PCSK5: variants seen among roughly 807,000 people sequenced by gnomAD.
The protein encoded by PCSK5 is prohormone convertase 5.
PCSK5 carries 129 observed loss-of-function variants against 233.2 expected under a neutral mutation model. That is an observed-to-expected ratio of 0.55 (90% CI 0.48 to 0.64). The LOEUF (loss-of-function observed/expected upper bound fraction) is 0.64. Ranked by LOEUF, PCSK5 falls within the 30% of genes least tolerant of loss-of-function variation. The pLI is 0.00. For missense variants in PCSK5, 2,076 were observed against 2,430.1 expected (o/e 0.85, Z 3.06); for synonymous variants, 825 against 879.2 (o/e 0.94, Z 1.09).
chr9:75,943,845 T>G lies in PCSK5; in HGVS notation c.297+11362T>G, dbSNP rs190667275. On this transcript the variant is annotated intron_variant, in intron 2 of 37. Transcript: ENST00000674117. The stretch of plus-strand genomic sequence containing the variant: ...TAAAATAATGTCATAAATTTATACA[T>G]TCAGGTAAGAAATGATCCCCAAAAT... Among the ~76,000 whole-genome samples the G allele has an allele frequency of 2.0e-5, 3 of 152,240 alleles. No individual in the cohort carries two copies. The East Asian group carries it at 5.8e-4, about 29-fold the overall frequency.
At chr9:76,069,979 T>G (rs1233264582) in intron 6 of PCSK5, among the ~76,000 whole-genome samples, 1 of 151,198 alleles carries the variant, frequency 6.6e-6, no homozygotes. Context: ...TGGACAAACT[T>G]TCCAATTTCC....
intron 2 of PCSK5, among the ~76,000 whole-genome samples, chr9:75,937,027 G>T (rs1824085292): frequency 6.6e-6 from 1 of 152,064 alleles, no homozygotes; most frequent in Non-Finnish European, 1.5e-5. Context: ...CATTGTCAGT[G>T]ATCAGTAATA....
chr9:75,910,285 C>G (rs1306438986), intron 1 of PCSK5, among the ~76,000 whole-genome samples: 1 of 152,024 alleles, frequency 6.6e-6, no homozygotes, highest in African/African-American at 2.4e-5. Context: ...ATAGGAAGAC[C>G]CTAGTGAACT....
intron 23 of PCSK5, among the ~76,000 whole-genome samples, chr9:76,240,193 A>T (rs765022157): frequency 3.3e-5 from 5 of 152,214 alleles, no homozygotes; most frequent in African/African-American, 4.8e-5. Context: ...AAGACACTCA[A>T]TTCTGTTTCT....
chr9:76,328,094 C>G lies in PCSK5; in HGVS notation c.4425C>G (p.Ser1475Arg), dbSNP rs768877176. 4 of 1,612,654 alleles carry G rather than the reference C, an allele frequency of 2.5e-6. No homozygotes were observed. The East Asian group carries it at 6.7e-5, about 27-fold the overall frequency. Reference sequence around the variant, plus strand: ...GCCTGATCATGAACCCTCGTGGGAGCTGCATGGCCAACGAGAAGTGCTCAC... The same window carrying G: ...GCCTGATCATGAACCCTCGTGGGAGGTGCATGGCCAACGAGAAGTGCTCAC... ...QKGLIMNPRG[S>R]CMANEKCSPS... is the part of the protein sequence containing the mutation. The change falls in exon 33 of 38, where the codon AGC becomes AGG. Residue 1475 changes from serine (S) to arginine (R), a missense_variant. Physicochemically the swap from Ser to Arg is moderately radical, Grantham distance 110. This residue lies in a region of PCSK5 where 1,510 missense variants were observed against 1,538.1 expected (regional missense o/e 0.98). Coordinates refer to ENST00000674117, the MANE Select transcript of PCSK5 (RefSeq NM_001372043.1).
chr9:75,949,553 CG>C (rs1208721735), intron 2 of PCSK5, among the ~76,000 whole-genome samples: 1 of 151,684 alleles, frequency 6.6e-6, no homozygotes, highest in East Asian at 1.9e-4. Context: ...TTTTTTGAGA[CG>C]GAGTCTCACT....
chr9:76,256,625 C>T (rs1826990759), intron 24 of PCSK5, among the ~76,000 whole-genome samples: 1 of 152,180 alleles, frequency 6.6e-6, no homozygotes. Flanking sequence ...CAAATTACTT[C>T]CTTTTAGTGA....
chr9:76,083,293 T>C (rs1387491601), intron 7 of PCSK5, among the ~76,000 whole-genome samples: 1 of 152,164 alleles, frequency 6.6e-6, no homozygotes, highest in East Asian at 1.9e-4. Context: ...TTAGTCTTTT[T>C]TTCTGGAGAA....
At chr9:75,897,290 G>A (rs1825845692) in intron 1 of PCSK5, among the ~76,000 whole-genome samples, 1 of 152,048 alleles carries the variant, frequency 6.6e-6, no homozygotes, top group Non-Finnish European at 1.5e-5. Context: ...GGGGCTGAAA[G>A]GAAGAGGAAT....
intron 2 of PCSK5, among the ~76,000 whole-genome samples, chr9:75,945,278 C>A (rs972496838): frequency 2.6e-5 from 4 of 151,780 alleles, no homozygotes; most frequent in Non-Finnish European, 4.4e-5. Context: ...CTTTTCTTTC[C>A]CAGGGAATGG....
chr9:76,358,450 T>A, intron 37 of PCSK5, 63 bp from the exon 38 acceptor site: 4 of 1,302,502 alleles, frequency 3.1e-6, no homozygotes, highest in South Asian at 2.8e-5. Flanking sequence ...AAACTAATTT[T>A]CTCTATTCTA....
chr9:76,130,005 A>G lies in PCSK5; in HGVS notation c.1209-4104A>G, dbSNP rs183610173. Reference sequence around the variant, plus strand: ...GTCACGTAGCCTGGCTGCGAACCACATCCAAGTGTGGCCATGGCAGGGGAG... The same window carrying G: ...GTCACGTAGCCTGGCTGCGAACCACGTCCAAGTGTGGCCATGGCAGGGGAG... On this transcript the variant is annotated intron_variant, in intron 9 of 37. Transcript: ENST00000674117. Among the ~76,000 whole-genome samples, 312 of 152,280 alleles carry G rather than the reference A, an allele frequency of 2.0e-3. 1 individual carries two copies. Among genetic ancestry groups the G allele is most frequent in the African/African-American group, 7.1e-3 (294 of 41,556 alleles).
chr9:76,315,072 C>A (rs925992604), intron 30 of PCSK5, among the ~76,000 whole-genome samples: 4 of 152,132 alleles, frequency 2.6e-5, no homozygotes, highest in Admixed American at 2.6e-4. Flanking sequence ...CCTGCCTCAG[C>A]CTCCCAAGTA....
At chr9:76,153,682 C>A (rs1339941277) in intron 10 of PCSK5, among the ~76,000 whole-genome samples, 1 of 152,160 alleles carries the variant, frequency 6.6e-6, no homozygotes, top group Admixed American at 6.5e-5. Flanking sequence ...AAATTTCAAA[C>A]GTTAAGGGTG....
intron 24 of PCSK5, among the ~76,000 whole-genome samples, chr9:76,262,898 C>A (rs1463338124): frequency 6.6e-6 from 1 of 150,954 alleles, no homozygotes; most frequent in African/African-American, 2.4e-5. Context: ...GGCTAATATC[C>A]AGAATCTACA....
At chr9:75,973,609 C>T (rs1036840948) in intron 2 of PCSK5, among the ~76,000 whole-genome samples, 1 of 152,178 alleles carries the variant, frequency 6.6e-6, no homozygotes, top group Admixed American at 6.5e-5. Context: ...CTAATTAGAT[C>T]CTCAGCCTCC....
At chr9:76,005,608 A>G (rs1307130307) in intron 3 of PCSK5, among the ~76,000 whole-genome samples, 1 of 152,060 alleles carries the variant, frequency 6.6e-6, no homozygotes, top group Non-Finnish European at 1.5e-5. Context: ...GGTTGTTTCC[A>G]TATGTTTCTA....
chr9:76,280,593 T>C (rs984477534), intron 24 of PCSK5, among the ~76,000 whole-genome samples: 9 of 151,908 alleles, frequency 5.9e-5, no homozygotes, highest in Non-Finnish European at 1.0e-4. Context: ...AGTACAACAA[T>C]TAGCCAGATG....
intron 3 of PCSK5, among the ~76,000 whole-genome samples, chr9:76,019,678 A>G (rs1319011828): frequency 6.6e-6 from 1 of 152,176 alleles, no homozygotes; most frequent in African/African-American, 2.4e-5. Context: ...TTGAGCTGTG[A>G]GATGTTTATG....
Sources: allele counts gnomAD v4.1 joint callset (sites outside exome capture counted in the v4.1 genomes callset), GRCh38; gene constraint gnomAD v4.1.1; regional missense constraint gnomAD v4.1.1; transcripts MANE v1.5; gene names NCBI Gene and HGNC (gene_info 2026-07-23, HGNC 2026-07-21).